TGM3: variants seen among roughly 807,000 people sequenced by gnomAD.
The protein encoded by TGM3 is protein-glutamine gamma-glutamyltransferase E.
In TGM3, 52 loss-of-function variants were observed where a neutral mutation model predicts 73.8. The ratio of observed to expected loss-of-function variants is 0.70; its 90% CI spans 0.56 to 0.89. TGM3 has a LOEUF of 0.89. Among genes scored for constraint, TGM3 ranks in the 40% least tolerant of loss-of-function variants. The pLI, the probability that TGM3 is intolerant of heterozygous loss-of-function variation, is 0.00. For missense variants in TGM3, 928 were observed against 909.9 expected (o/e 1.02, Z -0.26); for synonymous variants, 372 against 354.9 (o/e 1.05, Z -0.54).
In TGM3 at chr20:2,328,014, G is replaced by C; in HGVS notation, c.1088-106G>C. Reference sequence around the variant, plus strand: ...CAGTCAGGGGTGAAGGAATTTGGGCGGGGCAGAGGCAGGGGGTTGCAGTGG... The same window carrying C: ...CAGTCAGGGGTGAAGGAATTTGGGCCGGGCAGAGGCAGGGGGTTGCAGTGG... On this transcript the variant is annotated intron_variant, in intron 8 of 12. Transcript: ENST00000381458. This position sits in a 1 kb window ranked among gnomAD's most constrained non-coding sequence, Gnocchi z 5.2. 6.6e-7 allele frequency: 1 copy of C among 1,509,712 alleles called. No homozygotes were observed. The allele number at this position is 1,509,712 out of a possible 1,614,324, so 93.5% of individuals were successfully genotyped here.
At chr20:2,322,243 T>A (rs1267171334) in intron 7 of TGM3, among the ~76,000 whole-genome samples, 1 of 152,198 alleles carries the variant, frequency 6.6e-6, no homozygotes, top group Non-Finnish European at 1.5e-5. Context: ...CTGATCTTAT[T>A]CACATATCTT....
chr20:2,332,083 T>C lies in TGM3; in HGVS notation c.1415T>C (p.Met472Thr). ...PNTPFAATSS[M>T]GLETEEQEPS... ...ACGCCATTTGCCGCGACGTCTTCAA[T>C]GGGTTTGGAAACAGAGGAACAGGAG... The change falls in exon 10 of 13, where the codon ATG (methionine) becomes ACG (threonine). Residue 472 changes from methionine to threonine, a missense_variant. Met to Thr is a moderately conservative substitution (Grantham distance 81). Transcript: ENST00000381458. This position sits in a 1 kb window ranked among gnomAD's most constrained non-coding sequence, Gnocchi z 4.4. 8 of 1,614,184 alleles carry C rather than the reference T, an allele frequency of 5.0e-6. No homozygotes were observed. Among genetic ancestry groups the C allele is most frequent in the Non-Finnish European group, 6.8e-6 (8 of 1,180,034 alleles).
rs2084360572 is a variant in TGM3 at position 2,338,027 on chromosome 20, T to A, written c.1801-1827T>A. Among the ~76,000 whole-genome samples, 3 of 152,264 alleles carry A rather than the reference T, an allele frequency of 2.0e-5. No individual in the cohort carries two copies. In the South Asian group the frequency reaches 6.2e-4, roughly 32 times the overall value. On this transcript the variant is annotated intron_variant, in intron 11 of 12. Coordinates refer to ENST00000381458, the MANE Select transcript of TGM3 (RefSeq NM_003245.4). ...CTAAGCCTTCACCTAATCGAGACATTCTTGTCTCTATTGAACGGATCAATG... is the reference window on the plus strand; with the variant it reads ...CTAAGCCTTCACCTAATCGAGACATACTTGTCTCTATTGAACGGATCAATG...
intron 4 of TGM3, among the ~76,000 whole-genome samples, chr20:2,312,353 T>TGC (rs1568624940): frequency 5.1e-4 from 60 of 118,064 alleles, no homozygotes; most frequent in Admixed American, 1.5e-3. Context: ...GCCGAGATCA[T>TGC]ACCACTGCAC....
chr20:2,327,242 G>A (rs552423722), intron 8 of TGM3, among the ~76,000 whole-genome samples: 2 of 152,196 alleles, frequency 1.3e-5, no homozygotes, highest in African/African-American at 4.8e-5. Context: ...AGGCCGAGGT[G>A]GGTGGATCAC....
intron 12 of TGM3, 99 bp from the exon 13 acceptor site, chr20:2,340,335 C>T: frequency 6.5e-7 from 1 of 1,529,064 alleles, no homozygotes; most frequent in Non-Finnish European, 8.9e-7. Context: ...AGTGGCCTTG[C>T]CCAGCCTCCA....
At chr20:2,322,336 T>C (rs981206314) in intron 7 of TGM3, among the ~76,000 whole-genome samples, 1 of 152,200 alleles carries the variant, frequency 6.6e-6, no homozygotes, top group Non-Finnish European at 1.5e-5. Flanking sequence ...TTCCAAGGCA[T>C]GAGTAGAAGA....
chr20:2,327,313 AC>A (rs1368810369), intron 8 of TGM3, among the ~76,000 whole-genome samples: 1 of 147,348 alleles, frequency 6.8e-6, no homozygotes, highest in Non-Finnish European at 1.5e-5. Flanking sequence ...TACTAAAATT[AC>A]AAAAAAAAAA....
intron 7 of TGM3, 78 bp downstream of exon 7, chr20:2,317,563 C>T: frequency 6.3e-7 from 1 of 1,577,248 alleles, no homozygotes; most frequent in Non-Finnish European, 8.6e-7. Context: ...TTCTGGGACC[C>T]AGGTCCAAAC....
chr20:2,300,359 AT>A (rs1292208422), intron 1 of TGM3, among the ~76,000 whole-genome samples: 1 of 152,210 alleles, frequency 6.6e-6, no homozygotes, highest in Non-Finnish European at 1.5e-5. Context: ...CCAATAGAAC[AT>A]TCCAGGTGAT....
Position 2,334,715 on chromosome 20 carries a change from G to A in TGM3, c.1643-401G>A, listed in dbSNP as rs891299704. ...TCCCAACACTTTGGGAGGCCAAGGC[G>A]GGAGGATCCCTTGAGTCCAGGAGTT... On this transcript the variant is annotated intron_variant, in intron 10 of 12. Transcript: ENST00000381458. The surrounding 1 kb of genome is among the most constrained non-coding windows in gnomAD (Gnocchi z 4.0). Among the ~76,000 whole-genome samples, 9 of 152,166 alleles carry A rather than the reference G, an allele frequency of 5.9e-5. No individual in the cohort carries two copies. The highest frequency in any genetic ancestry group is 2.6e-4 in the Admixed American group (4 of 15,266).
chr20:2,334,828 T>A lies in TGM3; in HGVS notation c.1643-288T>A, dbSNP rs912590142. ...AAAAAAGGACACTTGCCCTCCAACA[T>A]TTTTCGGAGTCGGGAGGAAGCAGCG... On this transcript the variant is annotated intron_variant, in intron 10 of 12. Transcript: ENST00000381458. The surrounding 1 kb of genome is among the most constrained non-coding windows in gnomAD (Gnocchi z 4.0). Among the ~76,000 whole-genome samples, 9 of 152,134 alleles carry A rather than the reference T, an allele frequency of 5.9e-5. No individual in the cohort carries two copies. Among genetic ancestry groups the A allele is most frequent in the Non-Finnish European group, 4.4e-5 (3 of 68,014 alleles).
chr20:2,308,171 G>A (rs973775110), intron 1 of TGM3, among the ~76,000 whole-genome samples: 3 of 151,650 alleles, frequency 2.0e-5, no homozygotes, highest in African/African-American at 2.4e-5. Flanking sequence ...GCAGTGAGCC[G>A]AGATCACACC....
rs1568626932 is a variant in TGM3, at chr20:2,317,255, G to T, written c.847+10G>T. The stretch of plus-strand genomic sequence containing the variant: ...GGGACCCTCAACACAGGTACCTTGG[G>T]TGTGGTGTGCCTTGGCTGGGTCAGT... On this transcript the variant is annotated intron_variant, in intron 6 of 12. Transcript: ENST00000381458. The T allele has an allele frequency of 3.1e-6, 5 of 1,614,012 alleles. No homozygotes were observed. The highest frequency in any genetic ancestry group is 4.2e-6 in the Non-Finnish European group (5 of 1,179,916).
chr20:2,329,157 TA>T (rs538848759), intron 9 of TGM3, among the ~76,000 whole-genome samples: 1 of 152,222 alleles, frequency 6.6e-6, no homozygotes, highest in South Asian at 2.1e-4. Context: ...TCACACTTTC[TA>T]AAATGCTTTG....
intron 1 of TGM3, among the ~76,000 whole-genome samples, chr20:2,302,760 A>G (rs1460919690): frequency 1.3e-5 from 2 of 152,002 alleles, no homozygotes; most frequent in African/African-American, 4.8e-5. Context: ...AAATATTACC[A>G]TGTGCACATT....
At chr20:2,324,215 G>A (rs1016039511) in intron 7 of TGM3, among the ~76,000 whole-genome samples, 1 of 151,554 alleles carries the variant, frequency 6.6e-6, no homozygotes, top group East Asian at 1.9e-4. Flanking sequence ...TTTCCATTTG[G>A]TTCTTTTTTT....
Position 2,334,714 on chromosome 20 carries a change from C to T in TGM3, c.1643-402C>T, listed in dbSNP as rs554260954. On this transcript the variant is annotated intron_variant, in intron 10 of 12. Coordinates refer to ENST00000381458, the MANE Select transcript of TGM3 (RefSeq NM_003245.4). The surrounding 1 kb of genome is among the most constrained non-coding windows in gnomAD (Gnocchi z 4.0). ...ATCCCAACACTTTGGGAGGCCAAGGCGGGAGGATCCCTTGAGTCCAGGAGT... is the reference window on the plus strand; with the variant it reads ...ATCCCAACACTTTGGGAGGCCAAGGTGGGAGGATCCCTTGAGTCCAGGAGT... Among the ~76,000 whole-genome samples the T allele has an allele frequency of 3.9e-5, 6 of 152,222 alleles. No homozygotes were observed. Among genetic ancestry groups the T allele is most frequent in the East Asian group, 3.9e-4 (2 of 5,160 alleles).
intron 9 of TGM3, among the ~76,000 whole-genome samples, chr20:2,331,541 T>C (rs1479211706): frequency 6.6e-6 from 1 of 152,206 alleles, no homozygotes; most frequent in Non-Finnish European, 1.5e-5. Context: ...CAGAAGAACA[T>C]GGTTTACCAA....
Sources: gnomAD v4.1 joint callset for allele counts (sites outside exome capture counted in the v4.1 genomes callset) on GRCh38, gnomAD v4.1.1 for gene constraint, Gnocchi (gnomAD v3.1) non-coding constraint, MANE v1.5 for transcripts, NCBI Gene and HGNC (gene_info 2026-07-23, HGNC 2026-07-21) for gene names.